PRICKLE1: variants seen among roughly 807,000 people sequenced by gnomAD.
PRICKLE1 encodes prickle planar cell polarity protein 1.
A neutral mutation model predicts 70.2 loss-of-function variants in PRICKLE1; 14 were observed. That is an observed-to-expected ratio of 0.20 (90% CI 0.13 to 0.31). PRICKLE1 has a LOEUF of 0.31. PRICKLE1 is among the 10% of genes least tolerant of loss of function. The pLI is 1.00. For synonymous variants in PRICKLE1, 357 were observed against 379.9 expected, an observed-to-expected ratio of 0.94 and a Z score of 0.70; for missense variants, 821 against 1,026.2, an observed-to-expected ratio of 0.80 and a Z score of 2.73.
intron 1 of PRICKLE1, among the ~76,000 whole-genome samples, chr12:42,494,684 G>A (rs1486884188): frequency 1.3e-5 from 2 of 151,568 alleles, no homozygotes; most frequent in Non-Finnish European, 2.9e-5. Context: ...GCACCCACTT[G>A]TAGTCCCAGC....
intron 1 of PRICKLE1, among the ~76,000 whole-genome samples, chr12:42,538,540 C>T (rs918225644): frequency 2.0e-5 from 3 of 152,190 alleles, no homozygotes; most frequent in African/African-American, 4.8e-5. Flanking sequence ...AACAACAGAA[C>T]TGCTACCGGT....
Position 42,562,903 on chromosome 12 carries a change from CA to C in PRICKLE1, c.-49+26561del, listed in dbSNP as rs1339406534. Among the ~76,000 whole-genome samples, 9 of 152,194 alleles carry C rather than the reference CA, an allele frequency of 5.9e-5. No homozygotes were observed. The East Asian group carries it at 1.7e-3, about 29-fold the overall frequency. ...TTAATTTAAAAATTTAAATTGTGAT[CA>C]GGGGGCCGGGTGCGGTGGCTCACAC... On this transcript the variant is annotated intron_variant, in intron 1 of 7. Transcript: ENST00000345127.
chr12:42,495,400 AAGAGAG>A (rs1214248453), intron 1 of PRICKLE1, among the ~76,000 whole-genome samples: 7 of 136,578 alleles, frequency 5.1e-5, no homozygotes, highest in African/African-American at 1.5e-4. Flanking sequence ...AAAAAAAAAA[AAGAGAG>A]AGAGAGAGAG....
chr12:42,559,632 TTTTTG>T (rs1361429008), intron 1 of PRICKLE1, among the ~76,000 whole-genome samples: 12 of 102,078 alleles, frequency 1.2e-4, no homozygotes, highest in African/African-American at 5.6e-4. Context: ...ATATTTTTTT[TTTTTG>T]GGGGGGGTAG....
At chr12:42,493,047 A>T (rs1033444926) in intron 1 of PRICKLE1, among the ~76,000 whole-genome samples, 24 of 152,094 alleles carry the variant, frequency 1.6e-4, no homozygotes, top group East Asian at 3.9e-4. Flanking sequence ...ATTTTTTTTT[A>T]AATTTTTATT....
At chr12:42,587,962 T>G (rs1040742723) in intron 1 of PRICKLE1, among the ~76,000 whole-genome samples, 2 of 152,154 alleles carry the variant, frequency 1.3e-5, no homozygotes, top group African/African-American at 4.8e-5. Flanking sequence ...TTTTTTCCTT[T>G]CTAGAGTCTG....
chr12:42,523,749 T>C (rs1022084882), intron 1 of PRICKLE1, among the ~76,000 whole-genome samples: 1 of 152,224 alleles, frequency 6.6e-6, no homozygotes, highest in African/African-American at 2.4e-5. Context: ...CTTATATCTA[T>C]ATACAGACTT....
Position 42,460,309 on chromosome 12 carries a change from T to G in PRICKLE1, c.1996A>C (p.Arg666=). 10 of 1,614,132 alleles carry G rather than the reference T, an allele frequency of 6.2e-6. No homozygotes were observed. The highest frequency in any genetic ancestry group is 7.6e-6 in the Non-Finnish European group (9 of 1,180,026). The part of the protein sequence containing the change: ...TRRRVYNFEE[R]GSRSHHHRRR... Reference sequence around the variant, plus strand: ...CGGTGGTGATGAGACCTGGATCCCCTCTCTTCAAAATTGTAGACGCGTCTC... The same window carrying G: ...CGGTGGTGATGAGACCTGGATCCCCGCTCTTCAAAATTGTAGACGCGTCTC... The change falls in exon 8 of 8, where the codon AGG becomes CGG. Residue 666 remains arginine (R), a synonymous_variant. Coordinates refer to ENST00000345127, the MANE Select transcript of PRICKLE1 (RefSeq NM_153026.3).
chr12:42,479,734 T>G (rs1938720711), intron 1 of PRICKLE1, among the ~76,000 whole-genome samples: 1 of 152,126 alleles, frequency 6.6e-6, no homozygotes, highest in Non-Finnish European at 1.5e-5. Flanking sequence ...GGTGGGTGGA[T>G]TACTTGAGGT....
intron 1 of PRICKLE1, among the ~76,000 whole-genome samples, chr12:42,580,417 G>C (rs909338892): frequency 2.0e-5 from 3 of 152,140 alleles, no homozygotes; most frequent in Non-Finnish European, 4.4e-5. Flanking sequence ...AATGAGATCA[G>C]TTGTTAACCT....
chr12:42,567,992 G>T (rs1202452474), intron 1 of PRICKLE1, among the ~76,000 whole-genome samples: 3 of 151,860 alleles, frequency 2.0e-5, no homozygotes, highest in African/African-American at 7.3e-5. Context: ...GCACATCTTT[G>T]GTGTTTCATA....
chr12:42,513,333 A>T (rs763259160), intron 1 of PRICKLE1, among the ~76,000 whole-genome samples: 1 of 152,108 alleles, frequency 6.6e-6, no homozygotes, highest in Non-Finnish European at 1.5e-5. Context: ...ATAGGTAAGG[A>T]TCTCTATCCA....
At chr12:42,560,827 A>G (rs1592029851) in intron 1 of PRICKLE1, among the ~76,000 whole-genome samples, 1 of 150,248 alleles carries the variant, frequency 6.7e-6, no homozygotes, top group East Asian at 2.0e-4. Context: ...CAAAACAAAA[A>G]ACACATGCTC....
At chr12:42,558,512 T>A (rs1940450221) in intron 1 of PRICKLE1, among the ~76,000 whole-genome samples, 1 of 152,246 alleles carries the variant, frequency 6.6e-6, no homozygotes, top group Admixed American at 6.5e-5. Flanking sequence ...ATTCCGATGC[T>A]GTTGTGGAAA....
intron 1 of PRICKLE1, among the ~76,000 whole-genome samples, chr12:42,508,511 T>A (rs1030037158): frequency 6.6e-6 from 1 of 152,200 alleles, no homozygotes; most frequent in South Asian, 2.1e-4. Flanking sequence ...CACGGGTATA[T>A]AACATACACC....
chr12:42,544,664 T>C (rs901456647), intron 1 of PRICKLE1, among the ~76,000 whole-genome samples: 1 of 152,200 alleles, frequency 6.6e-6, no homozygotes, highest in Non-Finnish European at 1.5e-5. Flanking sequence ...ATAGAACTAG[T>C]TATGCTCTTA....
chr12:42,540,536 T>A (rs1051366359), intron 1 of PRICKLE1, among the ~76,000 whole-genome samples: 1 of 152,136 alleles, frequency 6.6e-6, no homozygotes, highest in Non-Finnish European at 1.5e-5. Context: ...AAGATATTTA[T>A]CATAGCTTGG....
intron 1 of PRICKLE1, among the ~76,000 whole-genome samples, chr12:42,492,113 T>G (rs1939117892): frequency 6.6e-6 from 1 of 151,742 alleles, no homozygotes; most frequent in Non-Finnish European, 1.5e-5. Flanking sequence ...AAAAAAAAAT[T>G]TATTCAGAGA....
At chr12:42,511,106 C>T (rs903298343) in intron 1 of PRICKLE1, among the ~76,000 whole-genome samples, 3 of 152,210 alleles carry the variant, frequency 2.0e-5, no homozygotes, top group Non-Finnish European at 4.4e-5. Flanking sequence ...AACAGCTCTC[C>T]CACAATAAAA....
Sources: gnomAD v4.1 joint callset for allele counts (sites outside exome capture counted in the v4.1 genomes callset) on GRCh38, gnomAD v4.1.1 for gene constraint, MANE v1.5 for transcripts, NCBI Gene and HGNC (gene_info 2026-07-23, HGNC 2026-07-21) for gene names.